Variants in PDE11A observed in about 807,000 individuals in gnomAD.
PDE11A encodes phosphodiesterase 11A.
In PDE11A, 100 loss-of-function variants were observed where a neutral mutation model predicts 100.5. That is an observed-to-expected ratio of 1.00 (90% confidence interval 0.85 to 1.18). PDE11A has a LOEUF of 1.18. Among genes scored for constraint, PDE11A ranks in the 50% most tolerant of loss-of-function variants. PDE11A has a pLI of 0.00. For missense variants in PDE11A, 1,141 were observed against 1,152.6 expected (o/e 0.99, Z 0.15); for synonymous variants, 381 against 420.8 (o/e 0.91, Z 1.16).
chr2:178,014,472 A>G lies in PDE11A; in HGVS notation c.913-12T>C. 1 of 1,609,476 alleles carries G rather than the reference A, an allele frequency of 6.2e-7. No homozygotes were observed. Among genetic ancestry groups the G allele is most frequent in the Non-Finnish European group, 8.5e-7 (1 of 1,176,216 alleles). On this transcript the variant is annotated splice_polypyrimidine_tract_variant and intron_variant, in intron 1 of 19. Coordinates refer to ENST00000286063, the MANE Select transcript of PDE11A (RefSeq NM_016953.4). ...TTGAATCGTCGATCCTAAAAATAAG[A>G]CAAAGAAAGCATTAACTGCATGTGC... is the stretch of plus-strand genomic sequence containing the variant.
intron 16 of PDE11A, among the ~76,000 whole-genome samples, chr2:177,677,162 T>C (rs1028438041): frequency 6.6e-6 from 1 of 152,220 alleles, no homozygotes; most frequent in African/African-American, 2.4e-5. Flanking sequence ...TTGCCATTAA[T>C]CAGTTGATCA....
In PDE11A at chr2:177,736,092, G is replaced by T. The variant is rs564099385; in HGVS notation, c.1789-7920C>A. On this transcript the variant is annotated intron_variant, in intron 10 of 19. Coordinates refer to ENST00000286063, the MANE Select transcript of PDE11A (RefSeq NM_016953.4). Reference sequence around the variant, plus strand: ...AACCCTTTGTGTCCTCCAGGGAAAAGGAATTTGTTTTCGGTTGAGTGGGGT... The same window carrying T: ...AACCCTTTGTGTCCTCCAGGGAAAATGAATTTGTTTTCGGTTGAGTGGGGT... Among the ~76,000 whole-genome samples, 23 of 152,294 alleles carry T rather than the reference G, an allele frequency of 1.5e-4. 1 individual carries two copies. In the South Asian group the frequency reaches 4.8e-3, roughly 32 times the overall value.
At chr2:177,902,661 A>G (rs2084715872) in intron 3 of PDE11A, among the ~76,000 whole-genome samples, 1 of 152,178 alleles carries the variant, frequency 6.6e-6, no homozygotes, top group Non-Finnish European at 1.5e-5. Flanking sequence ...GGCTTTAAAT[A>G]GCCTTTATAT....
intron 2 of PDE11A, among the ~76,000 whole-genome samples, chr2:177,993,493 T>G (rs2086029401): frequency 6.6e-6 from 1 of 152,218 alleles, no homozygotes; most frequent in Admixed American, 6.5e-5. Flanking sequence ...TCTGTAAGGA[T>G]TGATAAAATA....
rs896214004 is a variant in PDE11A, at chr2:178,071,692, C to T, written c.746G>A (p.Gly249Asp). 1.9e-6 allele frequency: 3 copies of T among 1,613,636 alleles called. No homozygotes were observed. The African/African-American group carries it at 4.0e-5, about 22-fold the overall frequency. Residue 249 changes from glycine (G) to aspartate (D), a missense_variant, in exon 1 of 20, where the codon GGC becomes GAC. Physicochemically the swap from Gly to Asp is moderately conservative, Grantham distance 94. Coordinates refer to ENST00000286063, the MANE Select transcript of PDE11A (RefSeq NM_016953.4). ...GAATTTGGAGACCAAGGTCTTCTTGCCAGCAGCTGCCCCTTCCACCAGGAA... is the reference window on the plus strand; with the variant it reads ...GAATTTGGAGACCAAGGTCTTCTTGTCAGCAGCTGCCCCTTCCACCAGGAA... ...SLFLVEGAAAGKKTLVSKFFD... is the reference protein window; with the variant it reads ...SLFLVEGAAADKKTLVSKFFD...
intron 2 of PDE11A, among the ~76,000 whole-genome samples, chr2:178,080,553 T>TAGA (rs1387639033): frequency 3.9e-5 from 6 of 152,088 alleles, no homozygotes; most frequent in Admixed American, 3.9e-4. Flanking sequence ...GGAAGTTATA[T>TAGA]AGAAGAAGAA....
rs79334300 is a variant in PDE11A, at chr2:178,059,304, A to T, written c.912+12222T>A. ...GAGAGTCAGTGTCCCTGGGTAGGGA[A>T]AGGCCCTGGCCATCTTGGGATGTCC... On this transcript the variant is annotated intron_variant, in intron 1 of 19. Coordinates refer to ENST00000286063, the MANE Select transcript of PDE11A (RefSeq NM_016953.4). 2.8e-3 allele frequency among the ~76,000 whole-genome samples: 432 copies of T among 152,262 alleles called. 14 individuals are homozygous for T. In the East Asian group the frequency reaches 0.071, roughly 25 times the overall value.
chr2:178,086,041 T>C (rs1369797466), intron 2 of PDE11A, among the ~76,000 whole-genome samples: 2 of 152,208 alleles, frequency 1.3e-5, no homozygotes, highest in African/African-American at 4.8e-5. Flanking sequence ...GATCACTCTG[T>C]CTGGGCTCAG....
intron 12 of PDE11A, among the ~76,000 whole-genome samples, chr2:177,722,339 A>G (rs2081542589): frequency 6.6e-6 from 1 of 152,174 alleles, no homozygotes; most frequent in South Asian, 2.1e-4. Context: ...TTCACTAGAA[A>G]GGGAATGACC....
rs149880679 is a variant in PDE11A, at chr2:177,741,488, G to A, written c.1789-13316C>T. ...GAAACAATTTGGTCCATAACAGACA[G>A]TTATCATTATTGCAAATGAATTGAG... On this transcript the variant is annotated intron_variant, in intron 10 of 19. Transcript: ENST00000286063. Among the ~76,000 whole-genome samples the A allele has an allele frequency of 8.0e-4, 122 of 152,310 alleles. 1 individual carries two copies. In the South Asian group the frequency reaches 0.013, roughly 16 times the overall value.
chr2:178,085,932 G>A (rs191574344), intron 2 of PDE11A, among the ~76,000 whole-genome samples: 23 of 152,284 alleles, frequency 1.5e-4, no homozygotes, highest in African/African-American at 3.8e-4. Flanking sequence ...AGACAGTTGT[G>A]CTATCAAAAG....
chr2:177,670,851 T>C (rs2080668309), intron 17 of PDE11A, among the ~76,000 whole-genome samples: 1 of 120,588 alleles, frequency 8.3e-6, no homozygotes, highest in South Asian at 3.4e-4. Context: ...ATATTTCTGT[T>C]AAGAAACATG....
chr2:177,746,393 A>G (rs2081947924), intron 10 of PDE11A, among the ~76,000 whole-genome samples: 1 of 152,176 alleles, frequency 6.6e-6, no homozygotes, highest in Non-Finnish European at 1.5e-5. Flanking sequence ...CAGAAGAAAA[A>G]AAAGGAACCT....
At chr2:177,700,671 G>T (rs1179508740) in intron 14 of PDE11A, among the ~76,000 whole-genome samples, 1 of 152,136 alleles carries the variant, frequency 6.6e-6, no homozygotes, top group Non-Finnish European at 1.5e-5. Context: ...CTTTTAAGTT[G>T]TATAGTTTCT....
intron 9 of PDE11A, among the ~76,000 whole-genome samples, chr2:177,780,995 T>A (rs527881725): frequency 6.6e-6 from 1 of 152,380 alleles, no homozygotes; most frequent in East Asian, 1.9e-4. Context: ...CTTGGTTGTT[T>A]GGCATAAGAG....
chr2:178,000,005 T>G (rs2086124354), intron 2 of PDE11A, among the ~76,000 whole-genome samples: 2 of 152,178 alleles, frequency 1.3e-5, no homozygotes, highest in South Asian at 4.1e-4. Context: ...TGCCTACCTT[T>G]GAGACTTTTT....
At chr2:177,872,677 G>T (rs2084158906) in intron 5 of PDE11A, among the ~76,000 whole-genome samples, 2 of 152,128 alleles carry the variant, frequency 1.3e-5, no homozygotes, top group Admixed American at 6.5e-5. Flanking sequence ...ATGTTCAGAG[G>T]ACTAAAGTAT....
chr2:177,998,747 G>A (rs1384940646), intron 2 of PDE11A: 24 of 848,974 alleles, frequency 2.8e-5, no homozygotes, highest in South Asian at 1.8e-4. Flanking sequence ...CATAGTTGCC[G>A]TAAAGCTCCT....
At chr2:177,836,521 C>A (rs2083402716) in intron 6 of PDE11A, among the ~76,000 whole-genome samples, 1 of 152,198 alleles carries the variant, frequency 6.6e-6, no homozygotes, top group Admixed American at 6.5e-5. Context: ...ATGGACCAAT[C>A]AGCAGGATGT....
Sources: gnomAD v4.1 joint callset for allele counts (sites outside exome capture counted in the v4.1 genomes callset) on GRCh38, gnomAD v4.1.1 for gene constraint, MANE v1.5 for transcripts, NCBI Gene and HGNC (gene_info 2026-07-23, HGNC 2026-07-21) for gene names.